Variants in CLASP1 observed in about 807,000 individuals in gnomAD.
CLASP1 encodes the protein cytoplasmic linker associated protein 1.
A neutral mutation model predicts 192.3 loss-of-function variants in CLASP1; 38 were observed. The ratio of observed to expected loss-of-function variants is 0.20; its 90% CI spans 0.15 to 0.26. The LOEUF (loss-of-function observed/expected upper bound fraction) is 0.26. Among genes scored for constraint, CLASP1 ranks in the 10% least tolerant of loss-of-function variants. The pLI is 1.00. For synonymous variants in CLASP1, 691 were observed against 712.8 expected, an observed-to-expected ratio of 0.97 and a Z score of 0.49; for missense variants, 1,433 against 1,932.5, an observed-to-expected ratio of 0.74 and a Z score of 4.85.
At chr2:121,480,214 A>C (rs1299350579) in intron 8 of CLASP1, among the ~76,000 whole-genome samples, 1 of 152,238 alleles carries the variant, frequency 6.6e-6, no homozygotes, top group African/African-American at 2.4e-5. Context: ...CACCGGGGAA[A>C]GACAGGCAAG....
intron 6 of CLASP1, among the ~76,000 whole-genome samples, chr2:121,521,625 C>T (rs1373698545): frequency 1.3e-5 from 2 of 152,210 alleles, no homozygotes; most frequent in Non-Finnish European, 2.9e-5. Context: ...GCACCTGTGG[C>T]CCACTCTGAA....
chr2:121,541,492 A>G (rs1343233994), intron 2 of CLASP1, among the ~76,000 whole-genome samples: 1 of 152,196 alleles, frequency 6.6e-6, no homozygotes, highest in African/African-American at 2.4e-5. Flanking sequence ...TCCTGACTAC[A>G]CCAAAGCCAT....
chr2:121,608,258 T>C (rs1370359950), intron 1 of CLASP1, among the ~76,000 whole-genome samples: 1 of 152,194 alleles, frequency 6.6e-6, no homozygotes, highest in Non-Finnish European at 1.5e-5. Flanking sequence ...GGACCTACTA[T>C]TAGTCCAAGA....
At chr2:121,434,720 T>C (rs1275473932) in intron 19 of CLASP1, among the ~76,000 whole-genome samples, 1 of 152,208 alleles carries the variant, frequency 6.6e-6, no homozygotes, top group African/African-American at 2.4e-5. Context: ...CTGGGTGCAG[T>C]GGCTCACACC....
intron 37 of CLASP1, among the ~76,000 whole-genome samples, chr2:121,357,221 T>C (rs1222597654): frequency 6.6e-6 from 1 of 152,242 alleles, no homozygotes; most frequent in African/African-American, 2.4e-5. Flanking sequence ...TTCTTCGGTG[T>C]ATTTAGAGAA....
intron 6 of CLASP1, among the ~76,000 whole-genome samples, chr2:121,518,178 CTGAGA>C (rs1416927423): frequency 7.2e-6 from 1 of 138,860 alleles, no homozygotes; most frequent in Non-Finnish European, 1.5e-5. Context: ...TTGCAGTGAG[CTGAGA>C]TCACACCACT....
intron 37 of CLASP1, among the ~76,000 whole-genome samples, chr2:121,361,076 C>T (rs983603559): frequency 3.3e-5 from 5 of 152,204 alleles, no homozygotes; most frequent in Non-Finnish European, 5.9e-5. Context: ...ACTGGAGAGT[C>T]GGTAAGTGCG....
intron 1 of CLASP1, among the ~76,000 whole-genome samples, chr2:121,606,913 T>C (rs1308287668): frequency 6.6e-6 from 1 of 150,654 alleles, no homozygotes; most frequent in Non-Finnish European, 1.5e-5. Flanking sequence ...AAAAATTAGC[T>C]GGGCATGGTG....
At chr2:121,363,272 A>C (rs2066751714) in exon 37 of CLASP1, 1 of 1,613,710 alleles carries the variant, frequency 6.2e-7, no homozygotes, top group Admixed American at 1.7e-5. Flanking sequence ...TTCCCTCAAA[A>C]CTCTTAACGC....
At chr2:121,553,319 T>C (rs1427753530) in intron 2 of CLASP1, among the ~76,000 whole-genome samples, 1 of 151,814 alleles carries the variant, frequency 6.6e-6, no homozygotes, top group Non-Finnish European at 1.5e-5. Flanking sequence ...TAACAAACCT[T>C]CACATGTACC....
chr2:121,374,404 A>G lies in CLASP1; in HGVS notation c.3642+3095T>C, dbSNP rs186595013. Among the ~76,000 whole-genome samples the G allele has an allele frequency of 2.6e-5, 4 of 152,380 alleles. No homozygotes were observed. In the East Asian group the frequency reaches 7.7e-4, roughly 29 times the overall value. ...GGCAGAGCCCTCATGGAGAACCTCT[A>G]CTAGGGGAGACAGAGGAGAAATGTG... On this transcript the variant is annotated intron_variant, in intron 34 of 39. Transcript: ENST00000263710.
intron 1 of CLASP1, among the ~76,000 whole-genome samples, chr2:121,610,658 T>A (rs1342857213): frequency 2.7e-4 from 12 of 45,184 alleles, no homozygotes; most frequent in South Asian, 6.4e-4. Flanking sequence ...GAAGAGGAAC[T>A]GGAGGAGGAG....
intron 2 of CLASP1, among the ~76,000 whole-genome samples, chr2:121,586,357 C>T (rs2105667909): frequency 6.6e-6 from 1 of 152,204 alleles, no homozygotes; most frequent in African/African-American, 2.4e-5. Context: ...AAATGCCTGA[C>T]CTGAAGTGAT....
At chr2:121,635,210 A>T (rs1288712164) in intron 1 of CLASP1, among the ~76,000 whole-genome samples, 1 of 130,912 alleles carries the variant, frequency 7.6e-6, no homozygotes, top group Non-Finnish European at 1.5e-5. Flanking sequence ...TTGCGTCTGT[A>T]AAAAAAAAAA....
At chr2:121,368,555 C>T (rs2067915909) in intron 34 of CLASP1, among the ~76,000 whole-genome samples, 1 of 152,008 alleles carries the variant, frequency 6.6e-6, no homozygotes, top group African/African-American at 2.4e-5. Context: ...ATCACTTTTG[C>T]TTTTAGGGTC....
chr2:121,601,473 T>C (rs1440562536), intron 2 of CLASP1, among the ~76,000 whole-genome samples: 2 of 152,094 alleles, frequency 1.3e-5, no homozygotes, highest in African/African-American at 2.4e-5. Context: ...GGTTTCACCA[T>C]GTTGGCCAGG....
chr2:121,639,080 T>C (rs1257011184), intron 1 of CLASP1, among the ~76,000 whole-genome samples: 3 of 152,010 alleles, frequency 2.0e-5, no homozygotes, highest in Admixed American at 6.6e-5. Flanking sequence ...ATTGAGACCA[T>C]CCTGGTTAAC....
intron 37 of CLASP1, among the ~76,000 whole-genome samples, chr2:121,359,007 A>G (rs1445427809): frequency 6.6e-6 from 1 of 152,270 alleles, no homozygotes; most frequent in African/African-American, 2.4e-5. Flanking sequence ...CAATTACAGA[A>G]TATCTTCAAA....
intron 8 of CLASP1, among the ~76,000 whole-genome samples, chr2:121,495,278 G>A (rs2093482177): frequency 1.3e-5 from 2 of 151,866 alleles, no homozygotes; most frequent in Admixed American, 6.6e-5. Flanking sequence ...AGCCGAGATG[G>A]CACCACTGCC....
Sources: allele counts gnomAD v4.1 joint callset (sites outside exome capture counted in the v4.1 genomes callset), GRCh38; gene constraint gnomAD v4.1.1; transcripts MANE v1.5; gene names NCBI Gene and HGNC (gene_info 2026-07-23, HGNC 2026-07-21).